The following NDRG1 variants were observed in gnomAD, a reference collection of about 807,000 sequenced individuals.
The protein encoded by NDRG1 is N-myc downstream regulated 1.
Under a neutral mutation model 56.9 loss-of-function variants are expected in NDRG1, and 32 were observed. That is an observed-to-expected ratio of 0.56 (90% CI 0.42 to 0.76). The LOEUF (loss-of-function observed/expected upper bound fraction) is 0.76. Among genes scored for constraint, NDRG1 ranks in the 30% least tolerant of loss-of-function variants. The probability of loss-of-function intolerance (pLI) is 0.00; values close to 1 mark genes in which losing one functional copy is unlikely to be tolerated. For synonymous variants in NDRG1, 211 were observed against 204.1 expected, an observed-to-expected ratio of 1.03 and a Z score of -0.29; for missense variants, 507 against 545.7, an observed-to-expected ratio of 0.93 and a Z score of 0.71.
chr8:133,274,956 A>G (rs1044839863), intron 3 of NDRG1, among the ~76,000 whole-genome samples: 3 of 152,208 alleles, frequency 2.0e-5, no homozygotes, highest in Non-Finnish European at 2.9e-5. Context: ...TCATCAGAGG[A>G]CACTGAAGTG....
At chr8:133,265,799 CGT>C (rs1198775029) in intron 3 of NDRG1, among the ~76,000 whole-genome samples, 1 of 152,218 alleles carries the variant, frequency 6.6e-6, no homozygotes, top group Non-Finnish European at 1.5e-5. Context: ...AGAGGGTGGT[CGT>C]GACTCTTTCT....
At chr8:133,266,448 T>C (rs1272594864) in intron 3 of NDRG1, among the ~76,000 whole-genome samples, 2 of 152,196 alleles carry the variant, frequency 1.3e-5, no homozygotes, top group Admixed American at 6.5e-5. Flanking sequence ...GAAGAAGGGA[T>C]GGGACAGATC....
Position 133,237,870 on chromosome 8 carries a change from TG to T in NDRG1, c.*1007del. On this transcript the variant is annotated 3_prime_UTR_variant, in exon 16 of 16. Transcript: ENST00000323851. The stretch of plus-strand genomic sequence containing the variant: ...GGATCCACAGAAATCACAACTGCAC[TG>T]GATCTCAACACAACAACAAGGAATC... 4.3e-6 allele frequency: 1 copy of T among 233,122 alleles called. No homozygotes were observed. Among genetic ancestry groups the T allele is most frequent in the Non-Finnish European group, 8.5e-6 (1 of 117,998 alleles). 14.4% of individuals were successfully genotyped at this position (233,122 alleles called of 1,614,324 possible). A position where few individuals can be genotyped will look rare whatever the true frequency, so the allele number is the denominator to read the frequency against.
Position 133,238,502 on chromosome 8 carries a change from C to T in NDRG1, c.*376G>A. 1 of 299,366 alleles carries T rather than the reference C, an allele frequency of 3.3e-6. No homozygotes were observed. The highest frequency in any genetic ancestry group is 6.2e-6 in the Non-Finnish European group (1 of 160,890). 18.5% of individuals were successfully genotyped at this position (299,366 alleles called of 1,614,324 possible). A position where few individuals can be genotyped will look rare whatever the true frequency, so the allele number is the denominator to read the frequency against. On this transcript the variant is annotated 3_prime_UTR_variant, in exon 16 of 16. Transcript: ENST00000323851. ...GGAAGTGGGCGGCTGGCCTTCTGAC[C>T]AGGCACCCGTTTGAACCAGGATGCT...
chr8:133,240,621 C>T (rs1199193136), intron 15 of NDRG1: 1 of 152,214 alleles, frequency 6.6e-6, no homozygotes, highest in Non-Finnish European at 1.5e-5. Flanking sequence ...CGGTTCCTTT[C>T]CTTCTCTTTG....
At chr8:133,276,466 T>C (rs1857461139) in intron 3 of NDRG1, among the ~76,000 whole-genome samples, 1 of 152,350 alleles carries the variant, frequency 6.6e-6, no homozygotes, top group East Asian at 1.9e-4. Flanking sequence ...TCATCTTGAA[T>C]TGTAGCTCCC....
At chr8:133,281,023 A>T (rs1857765956) in intron 2 of NDRG1, 1 of 152,158 alleles carries the variant, frequency 6.6e-6, no homozygotes, top group Non-Finnish European at 1.5e-5. Context: ...TGAGTAGAAG[A>T]GGCAGTGGAG....
At chr8:133,262,708 A>C (rs573309411) in intron 4 of NDRG1, among the ~76,000 whole-genome samples, 1 of 152,286 alleles carries the variant, frequency 6.6e-6, no homozygotes, top group South Asian at 2.1e-4. Context: ...CCTCCTGGGC[A>C]CTCAGCTAGA....
Position 133,238,475 on chromosome 8 carries a change from C to T in NDRG1, c.*403G>A, listed in dbSNP as rs954177065. The T allele has an allele frequency of 1.4e-5, 4 of 275,968 alleles. No homozygotes were observed. The highest frequency in any genetic ancestry group is 4.9e-5 in the Admixed American group (1 of 20,602). The allele number at this position is 275,968 out of a possible 1,614,324, so 17.1% of individuals were successfully genotyped here. On this transcript the variant is annotated 3_prime_UTR_variant, in exon 16 of 16. Transcript: ENST00000323851. ...AGCTTCTCCTCAGTTAAAGAGGAAA[C>T]GGGAAGTGGGCGGCTGGCCTTCTGA...
At chr8:133,273,291 A>C (rs1263009855) in intron 3 of NDRG1, among the ~76,000 whole-genome samples, 1 of 152,178 alleles carries the variant, frequency 6.6e-6, no homozygotes, top group Non-Finnish European at 1.5e-5. Flanking sequence ...ACAGAAAGTC[A>C]CTCGGCCCAC....
chr8:133,288,050 TATACTC>T (rs1247594505), intron 1 of NDRG1, among the ~76,000 whole-genome samples: 1 of 152,118 alleles, frequency 6.6e-6, no homozygotes, highest in Non-Finnish European at 1.5e-5. Context: ...TTCACACACT[TATACTC>T]ACACATACAT....
intron 1 of NDRG1, among the ~76,000 whole-genome samples, chr8:133,295,931 C>T (rs933694256): frequency 6.6e-6 from 1 of 152,168 alleles, no homozygotes; most frequent in Non-Finnish European, 1.5e-5. Flanking sequence ...CCTGCCTCCC[C>T]CACCCACTGC....
At chr8:133,277,738 T>A (rs1857535068) in intron 3 of NDRG1, among the ~76,000 whole-genome samples, 1 of 152,170 alleles carries the variant, frequency 6.6e-6, no homozygotes, top group East Asian at 1.9e-4. Flanking sequence ...GGGAAAACAC[T>A]CCATGATAGT....
At chr8:133,273,075 C>A (rs986777096) in intron 3 of NDRG1, among the ~76,000 whole-genome samples, 1 of 152,222 alleles carries the variant, frequency 6.6e-6, no homozygotes. Context: ...CAGAGCCCTG[C>A]CCGGCCCTGG....
chr8:133,289,810 C>T (rs966212767), intron 1 of NDRG1, among the ~76,000 whole-genome samples: 1 of 152,200 alleles, frequency 6.6e-6, no homozygotes, highest in African/African-American at 2.4e-5. Context: ...CTCAGTGGGG[C>T]AGCAGGAACG....
chr8:133,254,474 G>C, intron 9 of NDRG1, 65 bp downstream of exon 9: 2 of 1,575,892 alleles, frequency 1.3e-6, no homozygotes, highest in Non-Finnish European at 1.7e-6. Flanking sequence ...ATGGGGCCCT[G>C]TGCTGAGCAC....
chr8:133,258,498 C>A (rs1856496492), intron 6 of NDRG1, 72 bp from the exon 7 acceptor site: 1 of 1,499,252 alleles, frequency 6.7e-7, no homozygotes, highest in Admixed American at 1.9e-5. Flanking sequence ...CCACTTAGAA[C>A]TTCCTGAGGG....
chr8:133,238,105 G>C lies in NDRG1; in HGVS notation c.*773C>G. Reference sequence around the variant, plus strand: ...AGGTTGGGGCTGTGGAGGAGAGGCAGAAAGCAGAACTAAAGCCTTCAAAAA... The same window carrying C: ...AGGTTGGGGCTGTGGAGGAGAGGCACAAAGCAGAACTAAAGCCTTCAAAAA... On this transcript the variant is annotated 3_prime_UTR_variant, in exon 16 of 16. Transcript: ENST00000323851. 4.3e-6 allele frequency: 1 copy of C among 233,140 alleles called. No homozygotes were observed. Among genetic ancestry groups the C allele is most frequent in the Non-Finnish European group, 8.5e-6 (1 of 117,962 alleles). 14.4% of individuals were successfully genotyped at this position (233,140 alleles called of 1,614,324 possible).
At chr8:133,282,063 G>C (rs1034803469) in intron 2 of NDRG1, among the ~76,000 whole-genome samples, 3 of 152,208 alleles carry the variant, frequency 2.0e-5, no homozygotes, top group Non-Finnish European at 4.4e-5. Flanking sequence ...TCTAAACCTT[G>C]AAAGAAAGGG....
Sources: gnomAD v4.1 joint callset for allele counts (sites outside exome capture counted in the v4.1 genomes callset) on GRCh38, gnomAD v4.1.1 for gene constraint, MANE v1.5 for transcripts, NCBI Gene and HGNC (gene_info 2026-07-23, HGNC 2026-07-21) for gene names.